The following MTMR11 variants were observed in gnomAD, a reference collection of about 807,000 sequenced individuals.
MTMR11 encodes myotubularin related protein 11, also known as myotubularin-related protein 11.
Under a neutral mutation model 100.0 loss-of-function variants are expected in MTMR11, and 89 were observed. The observed-to-expected ratio is 0.89, with a 90% confidence interval of 0.75 to 1.06. The LOEUF (loss-of-function observed/expected upper bound fraction) is 1.06. Among genes scored for constraint, MTMR11 ranks in the 50% least tolerant of loss-of-function variants. The probability of loss-of-function intolerance (pLI) is 0.00; values close to 1 mark genes in which losing one functional copy is unlikely to be tolerated. For missense variants in MTMR11, 809 were observed against 873.7 expected, an observed-to-expected ratio of 0.93 and a Z score of 0.93; for synonymous variants, 336 against 326.3, an observed-to-expected ratio of 1.03 and a Z score of -0.32.
rs781960950 is a variant in MTMR11, at chr1:149,930,396, T to A, written c.1616A>T (p.His539Leu). The A allele has an allele frequency of 1.9e-6, 3 of 1,613,898 alleles. No individual in the cohort carries two copies. The highest frequency in any genetic ancestry group is 2.2e-5 in the South Asian group (2 of 91,070). ...TCTAGGGAGCCAGGAATCTGGACAG[T>A]GTTCTGGGTCATAGCCAGGATTCTG... ...QFQNPGYDPE[H>L]CPDSWLPRPQ... Residue 539 changes from histidine to leucine, a missense_variant, in exon 15 of 17, where the codon CAC becomes CTC. Physicochemically the swap from His to Leu is moderately conservative, Grantham distance 99 (BLOSUM62 -3). Coordinates refer to ENST00000439741, the MANE Select transcript of MTMR11 (RefSeq NM_001145862.2).
Position 149,931,947 on chromosome 1 carries a change from G to A in MTMR11, c.1120C>T (p.Gln374Ter). 1 of 1,612,094 alleles carries A rather than the reference G, an allele frequency of 6.2e-7. No individual in the cohort carries two copies. Among genetic ancestry groups the A allele is most frequent in the Admixed American group, 1.7e-5 (1 of 60,014 alleles). ...TGGGCTTAACCAAGGAACTCACCTT[G>A]AAGTATTACAGAACGAACCCTGGAT... ...VTSRVRSVIL[Q>*]ERGDRDLNGL... Residue 374 changes from glutamine (Q) to a stop codon, truncating the protein, a stop_gained, in exon 12 of 17, where the codon CAA becomes TAA. Coordinates refer to ENST00000439741, the MANE Select transcript of MTMR11 (RefSeq NM_001145862.2). LOFTEE classifies it high-confidence loss of function.
At chr1:149,933,258 G>T in intron 10 of MTMR11, 148 bp downstream of exon 10, 1 of 1,213,020 alleles carries the variant, frequency 8.2e-7, no homozygotes, top group Non-Finnish European at 1.2e-6. Flanking sequence ...GCCCAGCCGA[G>T]ACTCCGTCTC....
rs2092614559 is a variant in MTMR11, at chr1:149,928,823, G to A, written c.*306C>T. The A allele has an allele frequency of 2.6e-6, 4 of 1,564,154 alleles. No individual in the cohort carries two copies. The highest frequency in any genetic ancestry group is 3.5e-6 in the Non-Finnish European group (4 of 1,135,552). On this transcript the variant is annotated 3_prime_UTR_variant, in exon 17 of 17. Coordinates refer to ENST00000439741, the MANE Select transcript of MTMR11 (RefSeq NM_001145862.2). ...GGCGAGGTGAGAATGCGATTTCTAG[G>A]CCATCTTGTTGGGACTGATGAACAG... is the stretch of plus-strand genomic sequence containing the variant.
Position 149,928,946 on chromosome 1 carries a change from C to A in MTMR11, c.*183G>T. 1.2e-6 allele frequency: 2 copies of A among 1,613,864 alleles called. No homozygotes were observed. The highest frequency in any genetic ancestry group is 1.7e-6 in the Non-Finnish European group (2 of 1,179,930). The stretch of plus-strand genomic sequence containing the variant: ...TCTGGATTGTTTTTGTTTCTTAATC[C>A]TTCAAATGACAAGAAGCAAAAATAT... On this transcript the variant is annotated 3_prime_UTR_variant, in exon 17 of 17. Coordinates refer to ENST00000439741, the MANE Select transcript of MTMR11 (RefSeq NM_001145862.2).
At chr1:149,932,076 T>C in intron 11 of MTMR11, 62 bp from the exon 12 acceptor site, 1 of 1,502,364 alleles carries the variant, frequency 6.7e-7, no homozygotes, top group Non-Finnish European at 9.3e-7. Context: ...GGAGTGATTT[T>C]GATGGGTCAT....
rs782050399 is a variant in MTMR11, at chr1:149,935,376, A to G, written c.265-17T>C. 1 of 1,613,232 alleles carries G rather than the reference A, an allele frequency of 6.2e-7. No individual in the cohort carries two copies. Among genetic ancestry groups the G allele is most frequent in the African/African-American group, 1.3e-5 (1 of 75,014 alleles). On this transcript the variant is annotated splice_polypyrimidine_tract_variant and intron_variant, in intron 3 of 16. Transcript: ENST00000439741. ...GGGAGTGTCCTAGACGAAACACGTG[A>G]CTGGGTAGACATCTGAAATCGCCCT...
Position 149,929,911 on chromosome 1 carries a change from G to A in MTMR11, c.1653C>T (p.Ser551=). The change falls in exon 16 of 17, where the codon AGC becomes AGT. Residue 551 remains serine, a synonymous_variant. Coordinates refer to ENST00000439741, the MANE Select transcript of MTMR11 (RefSeq NM_001145862.2). ...PDSWLPRPQP[S]FMVPGPPSSV... is the part of the protein sequence containing the mutation. The stretch of plus-strand genomic sequence containing the variant: ...AACTGGGGGGTCCAGGAACCATGAA[G>A]CTTGGCTAAAAGGAAAAGAAAATCA... 2 of 1,604,978 alleles carry A rather than the reference G, an allele frequency of 1.2e-6. No homozygotes were observed. The highest frequency in any genetic ancestry group is 3.4e-5 in the Admixed American group (2 of 58,358).
At chr1:149,931,072 G>C (rs1199272108) in intron 13 of MTMR11, 107 bp from the exon 14 acceptor site, 1 of 1,353,220 alleles carries the variant, frequency 7.4e-7, no homozygotes, top group East Asian at 2.5e-5. Flanking sequence ...ACTTATGGAA[G>C]TCAGGGAATG....
rs139327671 is a variant in MTMR11, at chr1:149,935,316, A to G, written c.308T>C (p.Ile103Thr). 1.5e-4 allele frequency: 241 copies of G among 1,613,562 alleles called. No homozygotes were observed. The highest frequency in any genetic ancestry group is 1.9e-4 in the Non-Finnish European group (222 of 1,179,818). ...CAACTTACCAGCCTCTAATCGTCCA[A>G]TGTTGACCAGGGCAAAATCGTATTC... ...NSEYDFALVNIGRLEAVSGLS... is the reference protein window; with the variant it reads ...NSEYDFALVNTGRLEAVSGLS... The change falls in exon 4 of 17, where the codon ATT becomes ACT. Residue 103 changes from isoleucine (I) to threonine (T), a missense_variant. By Grantham distance (89) the Ile-to-Thr change is moderately conservative (BLOSUM62 -1). Transcript: ENST00000439741.
rs782151648 is a variant in MTMR11 at position 149,936,271 on chromosome 1, A to G, written c.67-42T>C. The G allele has an allele frequency of 2.5e-6, 4 of 1,611,604 alleles. No homozygotes were observed. The African/African-American group carries it at 4.0e-5, about 16-fold the overall frequency. On this transcript the variant is annotated intron_variant, in intron 1 of 16. Coordinates refer to ENST00000439741, the MANE Select transcript of MTMR11 (RefSeq NM_001145862.2). ...TGAGGGGGGTCTAGAGTTAACCCCT[A>G]GGCTCCCCAACTCCCCAGAGGCAGC...
At chr1:149,935,212 C>T in intron 4 of MTMR11, 84 bp from the exon 5 acceptor site, 1 of 1,606,842 alleles carries the variant, frequency 6.2e-7, no homozygotes, top group South Asian at 1.1e-5. Context: ...CACTCCATCC[C>T]TGCTGTTTTC....
chr1:149,932,530 G>A (rs2092672872), intron 10 of MTMR11, among the ~76,000 whole-genome samples, 200 bp from the exon 11 acceptor site: 1 of 152,158 alleles, frequency 6.6e-6, no homozygotes, highest in African/African-American at 2.4e-5. Flanking sequence ...TTCAGTGAAG[G>A]GTAAATTTTA....
chr1:149,930,752 A>C, intron 14 of MTMR11, 40 bp downstream of exon 14: 1 of 1,516,614 alleles, frequency 6.6e-7, no homozygotes, highest in Non-Finnish European at 8.8e-7. Context: ...GTACATCTCA[A>C]TGGAAAAAAA....
At position 149,935,570 on chromosome 1, in the gene MTMR11, C is replaced by A; in HGVS notation, c.264+14G>T. The A allele has an allele frequency of 1.2e-6, 2 of 1,612,352 alleles. No individual in the cohort carries two copies. The highest frequency in any genetic ancestry group is 1.7e-6 in the Non-Finnish European group (2 of 1,178,576). On this transcript the variant is annotated intron_variant, in intron 3 of 16. Transcript: ENST00000439741. Reference sequence around the variant, plus strand: ...TCCCACTAGCTGTCATTTCTGTGGCCCCAACCATCTCACCTGATTCCACTG... The same window carrying A: ...TCCCACTAGCTGTCATTTCTGTGGCACCAACCATCTCACCTGATTCCACTG...
chr1:149,930,411 C>T lies in MTMR11; in HGVS notation c.1601G>A (p.Gly534Asp). 1 of 1,613,930 alleles carries T rather than the reference C, an allele frequency of 6.2e-7. No homozygotes were observed. The highest frequency in any genetic ancestry group is 8.5e-7 in the Non-Finnish European group (1 of 1,179,906). ...ATCTGGACAGTGTTCTGGGTCATAG[C>T]CAGGATTCTGGAATTGTAGTATCTG... Reference protein sequence around the residue: ...NAQILQFQNPGYDPEHCPDSW... With the variant: ...NAQILQFQNPDYDPEHCPDSW... Residue 534 changes from glycine to aspartate, a missense_variant, in exon 15 of 17, where the codon GGC (glycine) becomes GAC (aspartate). By Grantham distance (94) the Gly-to-Asp change is moderately conservative. Transcript: ENST00000439741.
At chr1:149,935,535 C>T (rs2092711052) in intron 3 of MTMR11, 49 bp downstream of exon 3, 1 of 1,606,550 alleles carries the variant, frequency 6.2e-7, no homozygotes, top group East Asian at 2.2e-5. Context: ...GCTAGACTCC[C>T]CTACCCATTT....
chr1:149,930,492 T>C lies in MTMR11; in HGVS notation c.1520A>G (p.Asn507Ser). 6.2e-7 allele frequency: 1 copy of C among 1,613,930 alleles called. No homozygotes were observed. ...GACAGACAGCTGCAGGTTAAAAGAG[T>C]TCCCAGCTGGAGGCTGGGAGTATCC... is the stretch of plus-strand genomic sequence containing the variant. Reference protein sequence around the residue: ...TPGYSQPPAGNSFNLQLSVWD... With the variant: ...TPGYSQPPAGSSFNLQLSVWD... The change falls in exon 15 of 17, where the codon AAC becomes AGC. Residue 507 changes from asparagine (N) to serine (S), a missense_variant. Coordinates refer to ENST00000439741, the MANE Select transcript of MTMR11 (RefSeq NM_001145862.2).
intron 1 of MTMR11, 91 bp downstream of exon 1, chr1:149,936,491 C>A: frequency 7.9e-7 from 1 of 1,258,364 alleles, no homozygotes; most frequent in Non-Finnish European, 1.1e-6. Context: ...CCCTCCTCCT[C>A]CTCCTCTAGA....
At chr1:149,932,415 C>T in intron 10 of MTMR11, 85 bp from the exon 11 acceptor site, 1 of 1,096,232 alleles carries the variant, frequency 9.1e-7, no homozygotes, top group Non-Finnish European at 1.4e-6. Flanking sequence ...GGGTTAAGAA[C>T]AGGAATGAAA....
Sources: gnomAD v4.1 joint callset for allele counts (sites outside exome capture counted in the v4.1 genomes callset) on GRCh38, gnomAD v4.1.1 for gene constraint, MANE v1.5 for transcripts, NCBI Gene and HGNC (gene_info 2026-07-23, HGNC 2026-07-21) for gene names.